BCL2: variants seen among roughly 807,000 people sequenced by gnomAD.
The protein encoded by BCL2 is BCL2 apoptosis regulator.
BCL2 carries 1 observed loss-of-function variant against 14.2 expected under a neutral mutation model. That is an observed-to-expected ratio of 0.07 (90% CI 0.02 to 0.33). BCL2 has a LOEUF of 0.33. BCL2 is among the 10% of genes least tolerant of loss of function. BCL2 has a pLI of 0.99. For missense variants in BCL2, 247 were observed against 305.9 expected, an observed-to-expected ratio of 0.81 and a Z score of 1.44; for synonymous variants, 151 against 137.2, an observed-to-expected ratio of 1.10 and a Z score of -0.70.
chr18:63,241,125 C>CA (rs1910988913), intron 2 of BCL2, among the ~76,000 whole-genome samples: 2 of 152,172 alleles, frequency 1.3e-5, no homozygotes, highest in Non-Finnish European at 2.9e-5. Flanking sequence ...ACTTTATTTA[C>CA]AAAAGCACGT....
At chr18:63,300,762 C>T (rs1294854766) in intron 2 of BCL2, among the ~76,000 whole-genome samples, 1 of 152,110 alleles carries the variant, frequency 6.6e-6, no homozygotes, top group South Asian at 2.1e-4. Flanking sequence ...CTCCAGGAGC[C>T]GTAGAGATCT....
At chr18:63,202,178 G>A (rs1235210443) in intron 2 of BCL2, among the ~76,000 whole-genome samples, 2 of 151,976 alleles carry the variant, frequency 1.3e-5, no homozygotes, top group East Asian at 3.9e-4. Flanking sequence ...GCATGGTGGT[G>A]CATGCCTGTA....
At chr18:63,264,436 C>A (rs956645595) in intron 2 of BCL2, among the ~76,000 whole-genome samples, 2 of 152,126 alleles carry the variant, frequency 1.3e-5, no homozygotes, top group African/African-American at 4.8e-5. Context: ...TACCTCAATG[C>A]TCCACTGTGT....
chr18:63,212,232 G>C (rs1419458929), intron 2 of BCL2, among the ~76,000 whole-genome samples: 2 of 151,020 alleles, frequency 1.3e-5, no homozygotes, highest in Non-Finnish European at 1.5e-5. Flanking sequence ...AGGCTGAGGC[G>C]AGACAGAATT....
intron 2 of BCL2, among the ~76,000 whole-genome samples, chr18:63,262,443 G>A (rs535833805): frequency 6.2e-4 from 94 of 152,216 alleles, no homozygotes; most frequent in Non-Finnish European, 1.0e-3. Context: ...CCTGTTCAGA[G>A]TAAGTGCTGG....
intron 2 of BCL2, among the ~76,000 whole-genome samples, chr18:63,309,878 T>A (rs1913254262): frequency 6.6e-6 from 1 of 152,164 alleles, no homozygotes; most frequent in Non-Finnish European, 1.5e-5. Flanking sequence ...TTATTTATTT[T>A]TTGAGACAGA....
intron 2 of BCL2, among the ~76,000 whole-genome samples, chr18:63,283,496 T>C (rs1912374074): frequency 6.6e-6 from 1 of 152,244 alleles, no homozygotes; most frequent in Non-Finnish European, 1.5e-5. Context: ...TTGTTTATTA[T>C]TCTTAGCCTA....
Position 63,169,351 on chromosome 18 carries a change from TTCTTTCTTTCTTTCTTTC to T in BCL2, c.586-40610_586-40593del, listed in dbSNP as rs1289894033. On this transcript the variant is annotated intron_variant, in intron 2 of 2. Coordinates refer to ENST00000333681, the MANE Select transcript of BCL2 (RefSeq NM_000633.3). Reference sequence around the variant, plus strand: ...TCCTTTCCTTCCTTTCTTTCTTTCTTTCTTTCTTTCTTTCTTTCTCTTTCTTTCTTTCTTTCTTTTTCT... The same window carrying T: ...TCCTTTCCTTCCTTTCTTTCTTTCTTTCTTTCTTTCTTTCTTTCTTTTTCT... Among the ~76,000 whole-genome samples, 12 of 61,054 alleles carry T rather than the reference TTCTTTCTTTCTTTCTTTC, an allele frequency of 2.0e-4. 1 individual carries two copies. Among genetic ancestry groups the T allele is most frequent in the Admixed American group, 7.7e-4 (4 of 5,200 alleles). The allele number at this position is 61,054 out of a possible 152,430, so 40.1% of individuals were successfully genotyped here.
chr18:63,269,881 A>G lies in BCL2; in HGVS notation c.585+48201T>C, dbSNP rs1190134751. On this transcript the variant is annotated intron_variant, in intron 2 of 2. Transcript: ENST00000333681. The stretch of plus-strand genomic sequence containing the variant: ...TTAATAACACACCAATATAGAAATT[A>G]GCTATCTAATTTACTAGAAACTAGG... Among the ~76,000 whole-genome samples, 3 of 152,336 alleles carry G rather than the reference A, an allele frequency of 2.0e-5. No individual in the cohort carries two copies. The East Asian group carries it at 5.8e-4, about 29-fold the overall frequency.
intron 2 of BCL2, among the ~76,000 whole-genome samples, chr18:63,313,309 G>A (rs1335263914): frequency 6.6e-6 from 1 of 152,206 alleles, no homozygotes; most frequent in African/African-American, 2.4e-5. Context: ...GTCCTTGGAT[G>A]ATTTTCATCA....
intron 2 of BCL2, among the ~76,000 whole-genome samples, chr18:63,131,162 A>C (rs1914059799): frequency 6.6e-6 from 1 of 152,106 alleles, no homozygotes; most frequent in Non-Finnish European, 1.5e-5. Context: ...GTAATCACAG[A>C]CCATAGAAGA....
chr18:63,318,725 A>G lies in BCL2; in HGVS notation c.-59T>C, dbSNP rs906769776. 1.2e-5 allele frequency: 20 copies of G among 1,605,792 alleles called. No individual in the cohort carries two copies. Among genetic ancestry groups the G allele is most frequent in the Non-Finnish European group, 1.7e-5 (20 of 1,176,264 alleles). On this transcript the variant is annotated 5_prime_UTR_variant, in exon 2 of 3. Coordinates refer to ENST00000333681, the MANE Select transcript of BCL2 (RefSeq NM_000633.3). The surrounding 1 kb of genome is among the most constrained non-coding windows in gnomAD (Gnocchi z 7.4). ...CACCTCTCGCCCCAGCTCCCACCCC[A>G]CGGCCCCCAGAGAAAGAAGAGGAGT...
At chr18:63,269,101 C>A (rs924931999) in intron 2 of BCL2, among the ~76,000 whole-genome samples, 1 of 151,846 alleles carries the variant, frequency 6.6e-6, no homozygotes, top group Non-Finnish European at 1.5e-5. Flanking sequence ...GGTGCATACA[C>A]ACCACCATGA....
rs1281482573 is a variant in BCL2 at position 63,260,943 on chromosome 18, C to T, written c.585+57139G>A. ...AATATGTTAAAGCCACTCTGCAGTACAAATCACTTTTCCACAAAGAATTAA... is the reference window on the plus strand; with the variant it reads ...AATATGTTAAAGCCACTCTGCAGTATAAATCACTTTTCCACAAAGAATTAA... On this transcript the variant is annotated intron_variant, in intron 2 of 2. Transcript: ENST00000333681. 5.3e-5 allele frequency among the ~76,000 whole-genome samples: 8 copies of T among 152,242 alleles called. No homozygotes were observed. The East Asian group carries it at 1.5e-3, about 29-fold the overall frequency.
chr18:63,235,236 C>G (rs1005611953), intron 2 of BCL2, among the ~76,000 whole-genome samples: 1 of 152,226 alleles, frequency 6.6e-6, no homozygotes, highest in Non-Finnish European at 1.5e-5. Context: ...GGGGCTTGCA[C>G]TTTGGAGAGC....
chr18:63,223,885 C>T (rs1910474392), intron 2 of BCL2, among the ~76,000 whole-genome samples: 1 of 151,948 alleles, frequency 6.6e-6, no homozygotes, highest in Non-Finnish European at 1.5e-5. Flanking sequence ...CAGGACTGCC[C>T]GACATGCAAG....
intron 2 of BCL2, among the ~76,000 whole-genome samples, chr18:63,285,274 C>T (rs1419208421): frequency 6.6e-6 from 1 of 152,190 alleles, no homozygotes; most frequent in Non-Finnish European, 1.5e-5. Flanking sequence ...GCCCGTTGTT[C>T]CCTGCTGAAG....
chr18:63,278,975 T>C (rs554941579), intron 2 of BCL2, among the ~76,000 whole-genome samples: 45 of 152,208 alleles, frequency 3.0e-4, no homozygotes, highest in African/African-American at 1.0e-3. Flanking sequence ...GCTGAGTTGA[T>C]TGGATATCCA....
chr18:63,195,804 A>T (rs1020568063), intron 2 of BCL2, among the ~76,000 whole-genome samples: 2 of 152,204 alleles, frequency 1.3e-5, no homozygotes, highest in Non-Finnish European at 2.9e-5. Flanking sequence ...GGGCCTGCCT[A>T]AAAAAGCCTG....
Sources: allele counts gnomAD v4.1 joint callset (sites outside exome capture counted in the v4.1 genomes callset), GRCh38; gene constraint gnomAD v4.1.1; non-coding constraint Gnocchi (gnomAD v3.1); transcripts MANE v1.5; gene names NCBI Gene and HGNC (gene_info 2026-07-23, HGNC 2026-07-21).